KLK9: variants seen among roughly 807,000 people sequenced by gnomAD.
The protein encoded by KLK9 is kallikrein related peptidase 9, also known as kallikrein-9.
In KLK9, 26 loss-of-function variants were observed where a neutral mutation model predicts 23.3. The ratio of observed to expected loss-of-function variants is 1.12; its 90% CI spans 0.82 to 1.55. KLK9 has a LOEUF of 1.55. KLK9 is among the 40% of genes most tolerant of loss of function. KLK9 has a pLI of 0.00. For synonymous variants in KLK9, 122 were observed against 128.5 expected (o/e 0.95, Z 0.34); for missense variants, 346 against 333.7 (o/e 1.04, Z -0.29).
chr19:51,008,644 C>G (rs1255826179), intron 2 of KLK9, among the ~76,000 whole-genome samples: 1 of 152,118 alleles, frequency 6.6e-6, no homozygotes, highest in East Asian at 1.9e-4. Flanking sequence ...ATTTCAAAGG[C>G]TTAGTACCAA....
chr19:51,006,547 G>A lies in KLK9; in HGVS notation c.377C>T (p.Ala126Val). 6.2e-7 allele frequency: 1 copy of A among 1,613,304 alleles called. No individual in the cohort carries two copies. Among genetic ancestry groups the A allele is most frequent in the Non-Finnish European group, 8.5e-7 (1 of 1,179,476 alleles). The change falls in exon 3 of 5, where the codon GCT becomes GTT. Residue 126 changes from alanine (A) to valine (V), a missense_variant. Coordinates refer to ENST00000594211, the MANE Select transcript of KLK9 (RefSeq NM_012315.2). This position sits in a 1 kb window ranked among gnomAD's most constrained non-coding sequence, Gnocchi z 4.1. Reference protein sequence around the residue: ...RLPRQARLSPAVQPLNLSQTC... With the variant: ...RLPRQARLSPVVQPLNLSQTC... ...CTGGCTGAGGTTGAGGGGCTGCACA[G>A]CAGGACTCAGACGTGCCTGCCTGGG...
chr19:51,006,454 A>T lies in KLK9; in HGVS notation c.466+4T>A, dbSNP rs745878569. 8.1e-6 allele frequency: 13 copies of T among 1,606,778 alleles called. No individual in the cohort carries two copies. The highest frequency in any genetic ancestry group is 1.1e-5 in the Non-Finnish European group (13 of 1,176,014). Reference sequence around the variant, plus strand: ...TTCAGAGAGAGTTCTGGGCCAGGTCATACCCTTGGGGCTGGACACGGCCCC... The same window carrying T: ...TTCAGAGAGAGTTCTGGGCCAGGTCTTACCCTTGGGGCTGGACACGGCCCC... On this transcript the variant is annotated splice_donor_region_variant and intron_variant, in intron 3 of 4. Coordinates refer to ENST00000594211, the MANE Select transcript of KLK9 (RefSeq NM_012315.2). The surrounding 1 kb of genome is among the most constrained non-coding windows in gnomAD (Gnocchi z 4.1).
chr19:51,003,266 C>T lies in KLK9; in HGVS notation c.604-6G>A. The T allele has an allele frequency of 3.1e-6, 5 of 1,610,326 alleles. No individual in the cohort carries two copies. Among genetic ancestry groups the T allele is most frequent in the South Asian group, 2.2e-5 (2 of 90,552 alleles). On this transcript the variant is annotated splice_region_variant and splice_polypyrimidine_tract_variant and intron_variant, in intron 4 of 4. Transcript: ENST00000594211. ...AGGGGGCCCCCAGAGTCACCCTGTA[C>T]GCGAGAGAAGGGCAGAGGAACTGTT... is the stretch of plus-strand genomic sequence containing the variant.
In KLK9 at chr19:51,003,821, C is replaced by T. The variant is rs2091245190; in HGVS notation, c.486G>A (p.Leu162=). 1 of 1,613,956 alleles carries T rather than the reference C, an allele frequency of 6.2e-7. No individual in the cohort carries two copies. The highest frequency in any genetic ancestry group is 1.3e-5 in the African/African-American group (1 of 75,038). ...SSPKALFPVT[L]QCANISILEN... The stretch of plus-strand genomic sequence containing the variant: ...CCAGGATGCTGATGTTGGCACACTG[C>T]AGTGTGACTGGAAACAGCGCTGTCA... Residue 162 remains leucine, a synonymous_variant, in exon 4 of 5, where the codon CTG becomes CTA. Transcript: ENST00000594211.
chr19:51,004,754 ATGAAGGCAG>A (rs1555785518), intron 3 of KLK9, among the ~76,000 whole-genome samples: 3 of 152,054 alleles, frequency 2.0e-5, no homozygotes, highest in Non-Finnish European at 4.4e-5. Flanking sequence ...AAGGGGTGGA[ATGAAGGCAG>A]TGAGATAAAA....
intron 3 of KLK9, among the ~76,000 whole-genome samples, chr19:51,004,457 T>C (rs1165772107): frequency 2.7e-5 from 4 of 147,598 alleles, no homozygotes; most frequent in African/African-American, 1.0e-4. Flanking sequence ...CCCTAGCACT[T>C]TGGGAGGCTG....
In KLK9 at chr19:51,006,386, G is replaced by T; in HGVS notation, c.466+72C>A. On this transcript the variant is annotated intron_variant, in intron 3 of 4. Coordinates refer to ENST00000594211, the MANE Select transcript of KLK9 (RefSeq NM_012315.2). This position sits in a 1 kb window ranked among gnomAD's most constrained non-coding sequence, Gnocchi z 4.1. ...AGAGAGAGGAGAGAGAAAAGGAGAA[G>T]ACAGAGATGAAAAGGCAGAGACAGA... 1 of 1,370,642 alleles carries T rather than the reference G, an allele frequency of 7.3e-7. No homozygotes were observed. The highest frequency in any genetic ancestry group is 9.8e-7 in the Non-Finnish European group (1 of 1,017,066). 84.9% of individuals were successfully genotyped at this position (1,370,642 alleles called of 1,614,324 possible). A position where few individuals can be genotyped will look rare whatever the true frequency, so the allele number is the denominator to read the frequency against.
rs2091267973 is a variant in KLK9, at chr19:51,009,448, G to A, written c.43+57C>T. On this transcript the variant is annotated intron_variant, in intron 1 of 4. Coordinates refer to ENST00000594211, the MANE Select transcript of KLK9 (RefSeq NM_012315.2). The surrounding 1 kb of genome is among the most constrained non-coding windows in gnomAD (Gnocchi z 4.8). Reference sequence around the variant, plus strand: ...GGAGGCAGAAGCCTGGGATGGGAGGGAAGAGCAAGGTGACCTTAGTACAGC... The same window carrying A: ...GGAGGCAGAAGCCTGGGATGGGAGGAAAGAGCAAGGTGACCTTAGTACAGC... 1.3e-6 allele frequency: 2 copies of A among 1,568,258 alleles called. No individual in the cohort carries two copies. The highest frequency in any genetic ancestry group is 1.7e-6 in the Non-Finnish European group (2 of 1,156,298).
chr19:51,003,909 GTCC>G, intron 3 of KLK9, 69 bp from the exon 4 acceptor site: 1 of 1,383,546 alleles, frequency 7.2e-7, no homozygotes, highest in Non-Finnish European at 1.0e-6. Context: ...ACTGCCCTGA[GTCC>G]TCCCTGCAGC....
In KLK9 at chr19:51,006,746, T is replaced by C; in HGVS notation, c.201-23A>G. 1 of 1,541,332 alleles carries C rather than the reference T, an allele frequency of 6.5e-7. No homozygotes were observed. Among genetic ancestry groups the C allele is most frequent in the East Asian group, 2.3e-5 (1 of 44,170 alleles). ...TACCTGCTGGGACAGGCCTCAGAGG[T>C]CAAGCTGGGGGAAAGGTAAAAGTCC... On this transcript the variant is annotated intron_variant, in intron 2 of 4. Coordinates refer to ENST00000594211, the MANE Select transcript of KLK9 (RefSeq NM_012315.2). This position sits in a 1 kb window ranked among gnomAD's most constrained non-coding sequence, Gnocchi z 4.1.
At chr19:51,004,690 A>C (rs2091249044) in intron 3 of KLK9, among the ~76,000 whole-genome samples, 1 of 149,422 alleles carries the variant, frequency 6.7e-6, no homozygotes. Flanking sequence ...AACAAGAGCA[A>C]GACTCAGTCT....
chr19:51,004,338 C>CAAAAAAAAAAAAAAA (rs71333922), intron 3 of KLK9, among the ~76,000 whole-genome samples: 2 of 32,558 alleles, frequency 6.1e-5, no homozygotes, highest in Admixed American at 4.7e-4. Context: ...GACTCCGTCT[C>CAAAAAAAAAAAAAAA]AAAAAAAAAA....
chr19:51,003,392 C>A, intron 4 of KLK9, 132 bp from the exon 5 acceptor site: 1 of 1,001,928 alleles, frequency 1.0e-6, no homozygotes, highest in Non-Finnish European at 1.4e-6. Context: ...CATCTCCAGC[C>A]TCTTCTTCCT....
intron 3 of KLK9, among the ~76,000 whole-genome samples, chr19:51,005,645 C>T (rs1338332947): frequency 6.6e-6 from 1 of 151,748 alleles, no homozygotes; most frequent in Non-Finnish European, 1.5e-5. Flanking sequence ...CACTAGTATC[C>T]ATGATTCTAG....
At chr19:51,003,880 C>T (rs1238264507) in intron 3 of KLK9, 40 bp from the exon 4 acceptor site, 1 of 1,595,890 alleles carries the variant, frequency 6.3e-7, no homozygotes, top group East Asian at 2.2e-5. Flanking sequence ...GCAACTGTCT[C>T]CAACACACTC....
chr19:51,007,914 G>A (rs1280791310), intron 2 of KLK9, among the ~76,000 whole-genome samples: 4 of 152,050 alleles, frequency 2.6e-5, no homozygotes, highest in East Asian at 3.8e-4. Context: ...AAGGTTTAGA[G>A]TTTTATGAAT....
At position 51,003,369 on chromosome 19, in the gene KLK9, T is replaced by A. The variant is rs889780893; in HGVS notation, c.604-109A>T. 3 of 1,180,512 alleles carry A rather than the reference T, an allele frequency of 2.5e-6. No individual in the cohort carries two copies. The African/African-American group carries it at 4.6e-5, about 18-fold the overall frequency. The allele number at this position is 1,180,512 out of a possible 1,614,324, so 73.1% of individuals were successfully genotyped here. A position where few individuals can be genotyped will look rare whatever the true frequency, so the allele number is the denominator to read the frequency against. On this transcript the variant is annotated intron_variant, in intron 4 of 4. Coordinates refer to ENST00000594211, the MANE Select transcript of KLK9 (RefSeq NM_012315.2). ...GCCCCAGCCCCTTCCTCCTCCAACA[T>A]CCGAGAGTCCTCCATCTCCAGCCTC...
At position 51,009,156 on chromosome 19, in the gene KLK9, C is replaced by A. The variant is rs749577323; in HGVS notation, c.200+27G>T. On this transcript the variant is annotated intron_variant, in intron 2 of 4. Coordinates refer to ENST00000594211, the MANE Select transcript of KLK9 (RefSeq NM_012315.2). This position sits in a 1 kb window ranked among gnomAD's most constrained non-coding sequence, Gnocchi z 4.8. ...CCTGACCCCCAGCCTCTGTCCCTCCCCAGCATGGCCAGCCTGGGTCACTCA... is the reference window on the plus strand; with the variant it reads ...CCTGACCCCCAGCCTCTGTCCCTCCACAGCATGGCCAGCCTGGGTCACTCA... 4 of 1,596,810 alleles carry A rather than the reference C, an allele frequency of 2.5e-6. No individual in the cohort carries two copies. Among genetic ancestry groups the A allele is most frequent in the African/African-American group, 1.3e-5 (1 of 74,676 alleles).
In KLK9 at chr19:51,003,796, C is replaced by G. The variant is rs756389570; in HGVS notation, c.511G>C (p.Glu171Gln). The G allele has an allele frequency of 6.2e-7, 1 of 1,613,846 alleles. No individual in the cohort carries two copies. The highest frequency in any genetic ancestry group is 8.5e-7 in the Non-Finnish European group (1 of 1,179,742). Residue 171 changes from glutamate (E) to glutamine (Q), a missense_variant, in exon 4 of 5, where the codon GAG becomes CAG. Transcript: ENST00000594211. ...TATGCCCAGTGACAGAGTTTGTTCT[C>G]CAGGATGCTGATGTTGGCACACTGC... ...TLQCANISIL[E>Q]NKLCHWAYPG...
Sources: allele counts gnomAD v4.1 joint callset (sites outside exome capture counted in the v4.1 genomes callset), GRCh38; gene constraint gnomAD v4.1.1; non-coding constraint Gnocchi (gnomAD v3.1); transcripts MANE v1.5; gene names NCBI Gene and HGNC (gene_info 2026-07-23, HGNC 2026-07-21).